The following PIWIL3 variants were observed in gnomAD, a reference collection of about 807,000 sequenced individuals.
The protein encoded by PIWIL3 is piwi like RNA-mediated gene silencing 3.
A neutral mutation model predicts 109.7 loss-of-function variants in PIWIL3; 101 were observed. That is an observed-to-expected ratio of 0.92 (90% CI 0.78 to 1.09). The LOEUF is 1.09. Among genes scored for constraint, PIWIL3 ranks in the 50% least tolerant of loss-of-function variants. PIWIL3 has a pLI of 0.00. For synonymous variants in PIWIL3, 373 were observed against 376.4 expected (o/e 0.99, Z 0.10); for missense variants, 1,031 against 1,072.6 (o/e 0.96, Z 0.54).
chr22:24,730,027 G>A (rs532075167), intron 14 of PIWIL3, among the ~76,000 whole-genome samples: 4 of 147,650 alleles, frequency 2.7e-5, no homozygotes, highest in Non-Finnish European at 4.5e-5. Context: ...TTTGGTTTTT[G>A]TGCAGAGATG....
chr22:24,742,290 G>C (rs1395291854), intron 12 of PIWIL3, among the ~76,000 whole-genome samples: 1 of 151,818 alleles, frequency 6.6e-6, no homozygotes, highest in Non-Finnish European at 1.5e-5. Context: ...TGGATGGGTA[G>C]AATCAATATT....
At chr22:24,758,548 G>A (rs1925227979) in intron 3 of PIWIL3, among the ~76,000 whole-genome samples, 1 of 152,216 alleles carries the variant, frequency 6.6e-6, no homozygotes, top group African/African-American at 2.4e-5. Context: ...ACATTTAAAT[G>A]ACAGCACAAT....
intron 2 of PIWIL3, 33 bp downstream of exon 2, chr22:24,762,365 C>G (rs368922012): frequency 6.3e-7 from 1 of 1,598,104 alleles, no homozygotes; most frequent in Non-Finnish European, 8.5e-7. Context: ...GCACATATCT[C>G]TTGCAGAAAG....
At position 24,719,819 on chromosome 22, in the gene PIWIL3, T is replaced by C. The variant is rs1175572593; in HGVS notation, c.2434A>G (p.Thr812Ala). The C allele has an allele frequency of 1.9e-6, 3 of 1,610,962 alleles. No individual in the cohort carries two copies. The highest frequency in any genetic ancestry group is 1.7e-6 in the Non-Finnish European group (2 of 1,177,230). Residue 812 changes from threonine (T) to alanine (A), a missense_variant, in exon 20 of 21, where the codon ACG becomes GCG. Transcript: ENST00000616349. ...ACTGTATCTGGGCTCAAGCCAATCG[T>C]GTCATAGATGACGTTATAATGAGTG... is the stretch of plus-strand genomic sequence containing the variant. ...TPTHYNVIYD[T>A]IGLSPDTVQR...
intron 16 of PIWIL3, 67 bp from the exon 17 acceptor site, chr22:24,725,582 T>C: frequency 1.3e-6 from 2 of 1,487,936 alleles, no homozygotes; most frequent in Admixed American, 1.7e-5. Flanking sequence ...TCTGCATTAA[T>C]CTATGGGCAA....
In PIWIL3 at chr22:24,756,361, A is replaced by G. The variant is rs1925030167; in HGVS notation, c.570+130T>C. The G allele has an allele frequency of 7.1e-6, 6 of 840,322 alleles. No individual in the cohort carries two copies. In the East Asian group the frequency reaches 1.6e-4, roughly 22 times the overall value. The allele number at this position is 840,322 out of a possible 1,614,324, so 52.1% of individuals were successfully genotyped here. On this transcript the variant is annotated intron_variant, in intron 5 of 20. Transcript: ENST00000616349. ...CCGAACATGGCACATAGGTTTCACAACAAGTCATATGGGCAAGAGAGCCTT... is the reference window on the plus strand; with the variant it reads ...CCGAACATGGCACATAGGTTTCACAGCAAGTCATATGGGCAAGAGAGCCTT...
intron 1 of PIWIL3, among the ~76,000 whole-genome samples, chr22:24,767,260 G>T (rs760265849): frequency 1.3e-5 from 2 of 152,024 alleles, no homozygotes; most frequent in African/African-American, 4.8e-5. Context: ...GGCCAGCTGG[G>T]CGGGGTGACT....
chr22:24,735,770 G>A lies in PIWIL3; in HGVS notation c.1572C>T (p.Ser524=). 6.2e-7 allele frequency: 1 copy of A among 1,614,004 alleles called. No individual in the cohort carries two copies. The highest frequency in any genetic ancestry group is 8.5e-7 in the Non-Finnish European group (1 of 1,179,948). The change falls in exon 13 of 21, where the codon TCC becomes TCT. Residue 524 remains serine, a synonymous_variant. Transcript: ENST00000616349. The part of the protein sequence containing the change: ...YSRSSHREAM[S]LKGHLQSVTA... ...TGACACTCTGTAGATGACCCTTTAA[G>A]GACATGGCTTCTCTGTGACTGCTCC...
chr22:24,770,667 A>AT (rs2147735973), intron 1 of PIWIL3, among the ~76,000 whole-genome samples: 1 of 128,356 alleles, frequency 7.8e-6, no homozygotes, highest in South Asian at 2.7e-4. Context: ...TACTAAAAAA[A>AT]AAAAAAAAAA....
rs375666283 is a variant in PIWIL3, at chr22:24,749,805, A to G, written c.1104T>C (p.Ile368=). The change falls in exon 10 of 21, where the codon ATT becomes ATC. Residue 368 remains isoleucine (I), a synonymous_variant. Coordinates refer to ENST00000616349, the MANE Select transcript of PIWIL3 (RefSeq NM_001255975.1). ...AAAGTGGCTGTTTCTTCACTGTGAC[A>G]ATTTCTTTATGTTGCTGCTCAACAA... ...IDYYRQQHKE[I]VTVKKQPLLV... 1.2e-6 allele frequency: 2 copies of G among 1,613,038 alleles called. No individual in the cohort carries two copies. Among genetic ancestry groups the G allele is most frequent in the Non-Finnish European group, 1.7e-6 (2 of 1,179,634 alleles).
chr22:24,750,482 A>ATTTTTTTT lies in PIWIL3; in HGVS notation c.1090-671_1090-664dup, dbSNP rs1241174453. Among the ~76,000 whole-genome samples the ATTTTTTTT allele has an allele frequency of 2.4e-4, 28 of 114,314 alleles. 3 individuals carry two copies. Among genetic ancestry groups the ATTTTTTTT allele is most frequent in the South Asian group, 2.9e-4 (1 of 3,448 alleles). The allele number at this position is 114,314 out of a possible 152,430, so 75.0% of individuals were successfully genotyped here. ...CTTATCTGAAGTCTTACCACATTTG[A>ATTTTTTTT]TTTTTTTTCTTTTTTTTTTTTTTGA... On this transcript the variant is annotated intron_variant, in intron 9 of 20. Coordinates refer to ENST00000616349, the MANE Select transcript of PIWIL3 (RefSeq NM_001255975.1).
At chr22:24,744,177 T>TA (rs751591202) in intron 12 of PIWIL3, among the ~76,000 whole-genome samples, 4 of 35,838 alleles carry the variant, frequency 1.1e-4, no homozygotes, top group Admixed American at 4.0e-4. Flanking sequence ...AGTGACCGAA[T>TA]TAAAAAAAAA....
intron 16 of PIWIL3, 118 bp from the exon 17 acceptor site, chr22:24,725,633 T>C (rs1223177722): frequency 2.0e-6 from 2 of 995,022 alleles, no homozygotes; most frequent in East Asian, 4.9e-5. Context: ...TTAGCATCAA[T>C]TCATATCTCT....
intron 12 of PIWIL3, among the ~76,000 whole-genome samples, chr22:24,745,040 G>T (rs985458221): frequency 2.0e-5 from 3 of 152,130 alleles, no homozygotes; most frequent in African/African-American, 2.4e-5. Flanking sequence ...CTGATCACAT[G>T]AAACAAAACT....
intron 12 of PIWIL3, among the ~76,000 whole-genome samples, chr22:24,741,772 C>A (rs1440265943): frequency 6.6e-6 from 1 of 152,056 alleles, no homozygotes; most frequent in African/African-American, 2.4e-5. Context: ...AATTAGATAA[C>A]CCAATGATCA....
intron 1 of PIWIL3, among the ~76,000 whole-genome samples, chr22:24,771,501 T>G (rs1396231424): frequency 1.3e-5 from 2 of 151,462 alleles, no homozygotes; most frequent in Middle Eastern, 6.8e-3. Context: ...AAAAGAAAGT[T>G]ACTTTCCTTT....
At chr22:24,720,259 G>GTTTTTTTTTTTTTTTT (rs56087060) in intron 19 of PIWIL3, among the ~76,000 whole-genome samples, 2 of 105,492 alleles carry the variant, frequency 1.9e-5, no homozygotes, top group African/African-American at 6.9e-5. Flanking sequence ...TATTTAAACT[G>GTTTTTTTTTTTTTTTT]TTTTTTTTTT....
chr22:24,725,084 C>G (rs1705544522), intron 17 of PIWIL3, 47 bp from the exon 18 acceptor site: 2 of 1,600,264 alleles, frequency 1.2e-6, no homozygotes, highest in African/African-American at 2.7e-5. Context: ...TTGGAACAAA[C>G]TAGCCTTTGC....
chr22:24,757,402 G>A (rs1925114150), intron 4 of PIWIL3, among the ~76,000 whole-genome samples: 1 of 152,136 alleles, frequency 6.6e-6, no homozygotes, highest in Non-Finnish European at 1.5e-5. Context: ...GTTTGGGCCA[G>A]GAGTTCCAGA....
Sources: gnomAD v4.1 joint callset for allele counts (sites outside exome capture counted in the v4.1 genomes callset) on GRCh38, gnomAD v4.1.1 for gene constraint, MANE v1.5 for transcripts, NCBI Gene and HGNC (gene_info 2026-07-23, HGNC 2026-07-21) for gene names.